The following IRF2 variants were observed in gnomAD, a reference collection of about 807,000 sequenced individuals.
The protein encoded by IRF2 is interferon regulatory factor 2.
Under a neutral mutation model 40.6 loss-of-function variants are expected in IRF2, and 15 were observed. That is an observed-to-expected ratio of 0.37 (90% confidence interval 0.25 to 0.57). The LOEUF is 0.57. Among genes scored for constraint, IRF2 ranks in the 20% least tolerant of loss-of-function variants. The pLI, the probability that IRF2 is intolerant of heterozygous loss-of-function variation, is 0.77. For missense variants in IRF2, 317 were observed against 455.7 expected (o/e 0.70, Z 2.77); for synonymous variants, 151 against 165.5 (o/e 0.91, Z 0.67).
At chr4:184,461,717 T>A (rs1167481681) in intron 1 of IRF2, among the ~76,000 whole-genome samples, 1 of 9,492 alleles carries the variant, frequency 1.1e-4, no homozygotes, top group African/African-American at 4.5e-4. Flanking sequence ...CCAACCCCCA[T>A]CTCCCAAACT....
In IRF2 at chr4:184,428,967, G is replaced by T; in HGVS notation, c.87+11C>A. ...CCTCTCTCACACATACACCCACCCT[G>T]ACCCACTCACCTTGTTAAGCCACTT... On this transcript the variant is annotated intron_variant, in intron 2 of 8. Coordinates refer to ENST00000393593, the MANE Select transcript of IRF2 (RefSeq NM_002199.4). 6.2e-7 allele frequency: 1 copy of T among 1,611,326 alleles called. No individual in the cohort carries two copies. The highest frequency in any genetic ancestry group is 1.1e-5 in the South Asian group (1 of 91,012).
At chr4:184,432,334 C>T (rs1737916179) in intron 1 of IRF2, among the ~76,000 whole-genome samples, 1 of 152,244 alleles carries the variant, frequency 6.6e-6, no homozygotes, top group Non-Finnish European at 1.5e-5. Context: ...CTCTTGCTCT[C>T]CTATGGCAGA....
intron 1 of IRF2, among the ~76,000 whole-genome samples, chr4:184,429,382 A>G (rs1351867672): frequency 3.9e-5 from 6 of 152,158 alleles, no homozygotes; most frequent in African/African-American, 1.4e-4. Flanking sequence ...TCCCCACTGC[A>G]CTGGCCGTGT....
Position 184,388,983 on chromosome 4 carries a change from G to T in IRF2, c.825C>A (p.Pro275=). ...TGGAAGTGACGAAGGACGCCATGCC[G>T]GGCAGCAGGTAGGAGCCTCGAGTCC... ...NMGTRGSYLL[P]GMASFVTSNK... is the part of the protein sequence containing the mutation. The change falls in exon 9 of 9, where the codon CCC becomes CCA. Residue 275 remains proline (P), a synonymous_variant. Coordinates refer to ENST00000393593, the MANE Select transcript of IRF2 (RefSeq NM_002199.4). This position sits in a 1 kb window ranked among gnomAD's most constrained non-coding sequence, Gnocchi z 4.6. 1 of 1,614,178 alleles carries T rather than the reference G, an allele frequency of 6.2e-7. No individual in the cohort carries two copies. The highest frequency in any genetic ancestry group is 8.5e-7 in the Non-Finnish European group (1 of 1,180,016).
chr4:184,399,673 G>C (rs756388351), intron 6 of IRF2, among the ~76,000 whole-genome samples: 3 of 152,144 alleles, frequency 2.0e-5, no homozygotes, highest in Admixed American at 6.5e-5. Context: ...GCTGGGTGGC[G>C]CTCTGCTTAC....
At chr4:184,472,742 C>T (rs1212619078) in intron 1 of IRF2, 2 of 152,358 alleles carry the variant, frequency 1.3e-5, no homozygotes, top group Non-Finnish European at 2.9e-5. Flanking sequence ...CGAAAGCCAC[C>T]TCGCTCTTCT....
rs1319824907 is a variant in IRF2 at position 184,413,372 on chromosome 4, C to A, written c.411+4795G>T. ...ATGGGAAGGGAGGATCCCGGGCAGGCAGAATAAGCCTGATAACCTGCTTCA... is the reference window on the plus strand; with the variant it reads ...ATGGGAAGGGAGGATCCCGGGCAGGAAGAATAAGCCTGATAACCTGCTTCA... On this transcript the variant is annotated intron_variant, in intron 5 of 8. Transcript: ENST00000393593. The surrounding 1 kb of genome is among the most constrained non-coding windows in gnomAD (Gnocchi z 4.2). Among the ~76,000 whole-genome samples, 5 of 152,244 alleles carry A rather than the reference C, an allele frequency of 3.3e-5. No homozygotes were observed. The highest frequency in any genetic ancestry group is 7.3e-5 in the Non-Finnish European group (5 of 68,032).
intron 1 of IRF2, chr4:184,431,860 G>A (rs1314579026): frequency 9.0e-5 from 10 of 110,536 alleles, no homozygotes; most frequent in Non-Finnish European, 2.1e-4. Context: ...TAACCAGTTG[G>A]GGGAAAAAAA....
intron 6 of IRF2, among the ~76,000 whole-genome samples, chr4:184,405,975 CA>C (rs56193713): frequency 0.44 from 67,260 of 151,860 alleles, 15,276 homozygotes; most frequent in Non-Finnish European, 0.5. Context: ...CCAATACAGC[CA>C]AGAATAAAGT....
At chr4:184,430,268 C>CCAGCCTTTTCCT (rs1737824560) in intron 1 of IRF2, among the ~76,000 whole-genome samples, 1 of 126,738 alleles carries the variant, frequency 7.9e-6, no homozygotes, top group African/African-American at 2.9e-5. Context: ...CACCCTGGGC[C>CCAGCCTTTTCCT]TGTATGCCTC....
chr4:184,399,230 T>TA, intron 6 of IRF2, 151 bp from the exon 7 acceptor site: 1 of 754,832 alleles, frequency 1.3e-6, no homozygotes, highest in Non-Finnish European at 2.0e-6. Flanking sequence ...ACGCCTGAGC[T>TA]CTGTAGCTCT....
At chr4:184,405,996 T>A (rs555922239) in intron 6 of IRF2, among the ~76,000 whole-genome samples, 62 of 152,172 alleles carry the variant, frequency 4.1e-4, no homozygotes, top group African/African-American at 1.5e-3. Context: ...TATGTTGTTG[T>A]GGGTTCTGTG....
At chr4:184,459,266 G>C (rs1322226211) in intron 1 of IRF2, among the ~76,000 whole-genome samples, 1 of 151,998 alleles carries the variant, frequency 6.6e-6, no homozygotes, top group Non-Finnish European at 1.5e-5. Context: ...GACATTTCTG[G>C]ATTCAAAATA....
chr4:184,459,771 T>A (rs1007980115), intron 1 of IRF2, among the ~76,000 whole-genome samples: 2 of 152,210 alleles, frequency 1.3e-5, no homozygotes, highest in African/African-American at 4.8e-5. Flanking sequence ...CATCATTAAT[T>A]ACCAGGGAAA....
intron 1 of IRF2, among the ~76,000 whole-genome samples, chr4:184,434,390 G>A (rs1018308258): frequency 2.0e-5 from 3 of 152,168 alleles, no homozygotes; most frequent in African/African-American, 7.2e-5. Flanking sequence ...TCCATGATAC[G>A]ATGAATCATA....
At chr4:184,396,085 C>A (rs553140170) in intron 7 of IRF2, among the ~76,000 whole-genome samples, 1 of 152,238 alleles carries the variant, frequency 6.6e-6, no homozygotes, top group Non-Finnish European at 1.5e-5. Context: ...ATGCCTGCAG[C>A]AGCAGGCTAT....
intron 5 of IRF2, among the ~76,000 whole-genome samples, chr4:184,412,742 G>A (rs62337748): frequency 0.1 from 15,423 of 152,130 alleles, 968 homozygotes; most frequent in South Asian, 0.15. Flanking sequence ...TGAGGCCATC[G>A]TCATTCTCTT....
chr4:184,434,253 C>T (rs1737996203), intron 1 of IRF2, among the ~76,000 whole-genome samples: 1 of 152,218 alleles, frequency 6.6e-6, no homozygotes, highest in African/African-American at 2.4e-5. Context: ...GAAATCAGGA[C>T]ATTGTGTCGC....
intron 2 of IRF2, among the ~76,000 whole-genome samples, chr4:184,422,290 T>C (rs942690184): frequency 3.3e-5 from 5 of 152,160 alleles, no homozygotes; most frequent in Admixed American, 6.5e-5. Context: ...ATAACAAACG[T>C]TGGTGAGGAT....
Sources: allele counts gnomAD v4.1 joint callset (sites outside exome capture counted in the v4.1 genomes callset), GRCh38; gene constraint gnomAD v4.1.1; non-coding constraint Gnocchi (gnomAD v3.1); transcripts MANE v1.5; gene names NCBI Gene and HGNC (gene_info 2026-07-23, HGNC 2026-07-21).